The following FBXO6 variants were observed in gnomAD, a reference collection of about 807,000 sequenced individuals.
FBXO6 encodes F-box protein 6, also known as F-box only protein 6.
In FBXO6, 13 loss-of-function variants were observed where a neutral mutation model predicts 25.0. The observed-to-expected ratio is 0.52, with a 90% CI of 0.34 to 0.83. The LOEUF is 0.83. FBXO6 is among the 40% of genes least tolerant of loss of function. The pLI is 0.02. For synonymous variants in FBXO6, 138 were observed against 155.3 expected, an observed-to-expected ratio of 0.89 and a Z score of 0.83; for missense variants, 370 against 380.2, an observed-to-expected ratio of 0.97 and a Z score of 0.22.
rs775427093 is a variant in FBXO6, at chr1:11,671,262, C to G, written c.287-4C>G. 2.0e-5 allele frequency: 32 copies of G among 1,613,482 alleles called. No individual in the cohort carries two copies. The highest frequency in any genetic ancestry group is 2.6e-5 in the Non-Finnish European group (31 of 1,179,746). Reference sequence around the variant, plus strand: ...GGTCTCACCTTGGCTTCTGTTCTTCCTAGAGGATATGTTTGCATGGCAAAT... The same window carrying G: ...GGTCTCACCTTGGCTTCTGTTCTTCGTAGAGGATATGTTTGCATGGCAAAT... On this transcript the variant is annotated splice_region_variant and splice_polypyrimidine_tract_variant and intron_variant, in intron 2 of 5. Coordinates refer to ENST00000376753, the MANE Select transcript of FBXO6 (RefSeq NM_018438.6).
At chr1:11,671,476 T>C (rs1454361135) in intron 3 of FBXO6, 84 bp downstream of exon 3, 1 of 1,563,018 alleles carries the variant, frequency 6.4e-7, no homozygotes, top group Non-Finnish European at 8.7e-7. Context: ...AAAGTCTTCC[T>C]AAGGGAAGTC....
chr1:11,670,649 G>T (rs1397623758), intron 2 of FBXO6, among the ~76,000 whole-genome samples: 1 of 134,346 alleles, frequency 7.4e-6, no homozygotes, highest in Non-Finnish European at 1.6e-5. Flanking sequence ...GGGGGGGGGG[G>T]TGTCGCTATG....
chr1:11,674,132 G>A lies in FBXO6; in HGVS notation c.*281G>A. 4 of 355,056 alleles carry A rather than the reference G, an allele frequency of 1.1e-5. No homozygotes were observed. The highest frequency in any genetic ancestry group is 1.1e-4 in the South Asian group (4 of 36,032). The allele number at this position is 355,056 out of a possible 1,614,324, so 22.0% of individuals were successfully genotyped here. Reference sequence around the variant, plus strand: ...ATCCTGGCCAACACGGTGAAACCCTGTCTCTACTAAAAATACAAAAAATTA... The same window carrying A: ...ATCCTGGCCAACACGGTGAAACCCTATCTCTACTAAAAATACAAAAAATTA... On this transcript the variant is annotated 3_prime_UTR_variant, in exon 6 of 6. Transcript: ENST00000376753. The surrounding 1 kb of genome is among the most constrained non-coding windows in gnomAD (Gnocchi z 6.1).
intron 1 of FBXO6, among the ~76,000 whole-genome samples, chr1:11,665,244 AG>A (rs1640389078): frequency 1.2e-4 from 2 of 16,472 alleles, no homozygotes; most frequent in Non-Finnish European, 2.1e-4. Context: ...TTTTTTTTTG[AG>A]ACGGAGTGTC....
At chr1:11,670,422 G>A (rs1345943622) in intron 2 of FBXO6, among the ~76,000 whole-genome samples, 2 of 151,800 alleles carry the variant, frequency 1.3e-5, no homozygotes, top group Non-Finnish European at 2.9e-5. Context: ...CTTGCCCTGG[G>A]CAGAGGCCAT....
Position 11,673,240 on chromosome 1 carries a change from G to A in FBXO6, c.510-37G>A, listed in dbSNP as rs377413105. 44 of 1,588,256 alleles carry A rather than the reference G, an allele frequency of 2.8e-5. No individual in the cohort carries two copies. In the Middle Eastern group the frequency reaches 5.2e-4, roughly 19 times the overall value. ...GCCCCCACCCCTGGGGCCAGCCCTCGGTGGCTTGGACACAGGGCTCTCAAC... is the reference window on the plus strand; with the variant it reads ...GCCCCCACCCCTGGGGCCAGCCCTCAGTGGCTTGGACACAGGGCTCTCAAC... On this transcript the variant is annotated intron_variant, in intron 4 of 5. Coordinates refer to ENST00000376753, the MANE Select transcript of FBXO6 (RefSeq NM_018438.6). The surrounding 1 kb of genome is among the most constrained non-coding windows in gnomAD (Gnocchi z 4.3).
intron 2 of FBXO6, among the ~76,000 whole-genome samples, chr1:11,669,191 C>T (rs755133130): frequency 2.6e-5 from 4 of 152,208 alleles, no homozygotes; most frequent in South Asian, 2.1e-4. Flanking sequence ...TTTCACAAGG[C>T]GCGGTGGCTC....
chr1:11,669,243 A>G (rs1640535875), intron 2 of FBXO6, among the ~76,000 whole-genome samples: 1 of 152,162 alleles, frequency 6.6e-6, no homozygotes, highest in Non-Finnish European at 1.5e-5. Flanking sequence ...AGATGGGCGG[A>G]TCACCTGAGC....
At position 11,673,246 on chromosome 1, in the gene FBXO6, T is replaced by TG; in HGVS notation, c.510-31_510-30insG. ...ACCCCTGGGGCCAGCCCTCGGTGGCTTGGACACAGGGCTCTCAACCCCTCC... is the reference window on the plus strand; with the variant it reads ...ACCCCTGGGGCCAGCCCTCGGTGGCTGTGGACACAGGGCTCTCAACCCCTCC... On this transcript the variant is annotated intron_variant, in intron 4 of 5. Coordinates refer to ENST00000376753, the MANE Select transcript of FBXO6 (RefSeq NM_018438.6). The surrounding 1 kb of genome is among the most constrained non-coding windows in gnomAD (Gnocchi z 4.3). The TG allele has an allele frequency of 6.3e-7, 1 of 1,598,132 alleles. No individual in the cohort carries two copies. Among genetic ancestry groups the TG allele is most frequent in the South Asian group, 1.1e-5 (1 of 88,468 alleles).
In FBXO6 at chr1:11,668,892, C is replaced by G; in HGVS notation, c.234C>G (p.Phe78Leu). 1 of 1,614,146 alleles carries G rather than the reference C, an allele frequency of 6.2e-7. No homozygotes were observed. Among genetic ancestry groups the G allele is most frequent in the Non-Finnish European group, 8.5e-7 (1 of 1,180,008 alleles). ...WDQPVADWKI[F>L]YFLRSLHRNL... ...AGCCCGTGGCCGACTGGAAAATCTTCTACTTCCTACGGAGCCTGCATAGGA... is the reference window on the plus strand; with the variant it reads ...AGCCCGTGGCCGACTGGAAAATCTTGTACTTCCTACGGAGCCTGCATAGGA... The change falls in exon 2 of 6, where the codon TTC becomes TTG. Residue 78 changes from phenylalanine (F) to leucine (L), a missense_variant. Coordinates refer to ENST00000376753, the MANE Select transcript of FBXO6 (RefSeq NM_018438.6).
chr1:11,669,559 C>T (rs1640546598), intron 2 of FBXO6, among the ~76,000 whole-genome samples: 1 of 151,650 alleles, frequency 6.6e-6, no homozygotes, highest in South Asian at 2.1e-4. Context: ...TTGTTTGCCA[C>T]ACTATAGCAT....
chr1:11,665,938 T>G (rs1398115257), intron 1 of FBXO6, among the ~76,000 whole-genome samples: 1 of 152,024 alleles, frequency 6.6e-6, no homozygotes, highest in Non-Finnish European at 1.5e-5. Context: ...TTTTACATTT[T>G]TTTTCAAATG....
intron 1 of FBXO6, 71 bp downstream of exon 1, chr1:11,664,326 G>A (rs1640334706): frequency 6.6e-6 from 1 of 151,932 alleles, no homozygotes; most frequent in African/African-American, 2.4e-5. Flanking sequence ...GGCGGGGGTG[G>A]GGACCGAGCG....
chr1:11,668,648 C>T lies in FBXO6; in HGVS notation c.-3-8C>T. 6.2e-7 allele frequency: 1 copy of T among 1,605,812 alleles called. No homozygotes were observed. Among genetic ancestry groups the T allele is most frequent in the Non-Finnish European group, 8.5e-7 (1 of 1,173,276 alleles). On this transcript the variant is annotated splice_polypyrimidine_tract_variant and splice_region_variant and intron_variant, in intron 1 of 5. Transcript: ENST00000376753. ...TGGTCAGGCTCATAACTGCTGTTGCCCCCACAGGCCATGGATGCTCCCCAC... is the reference window on the plus strand; with the variant it reads ...TGGTCAGGCTCATAACTGCTGTTGCTCCCACAGGCCATGGATGCTCCCCAC...
At chr1:11,672,586 A>C (rs1640650146) in intron 4 of FBXO6, among the ~76,000 whole-genome samples, 1 of 152,170 alleles carries the variant, frequency 6.6e-6, no homozygotes, top group African/African-American at 2.4e-5. Flanking sequence ...CACTGTGCCC[A>C]GCCACTGTGC....
At chr1:11,669,548 C>G (rs1640546442) in intron 2 of FBXO6, among the ~76,000 whole-genome samples, 1 of 151,398 alleles carries the variant, frequency 6.6e-6, no homozygotes, top group Non-Finnish European at 1.5e-5. Flanking sequence ...CCAAATGGAC[C>G]TTGTTTGCCA....
rs188650670 is a variant in FBXO6, at chr1:11,673,048, A to G, written c.510-229A>G. 3.1e-4 allele frequency among the ~76,000 whole-genome samples: 47 copies of G among 152,286 alleles called. No individual in the cohort carries two copies. The highest frequency in any genetic ancestry group is 1.1e-3 in the African/African-American group (45 of 41,556). On this transcript the variant is annotated intron_variant, in intron 4 of 5. Coordinates refer to ENST00000376753, the MANE Select transcript of FBXO6 (RefSeq NM_018438.6). The surrounding 1 kb of genome is among the most constrained non-coding windows in gnomAD (Gnocchi z 4.3). The stretch of plus-strand genomic sequence containing the variant: ...GTCATATCTTTAGTAGGATGCCCAA[A>G]AGGGTCCCTCTTCTCAGATGGGGTA...
chr1:11,670,114 G>A lies in FBXO6; in HGVS notation c.287-1152G>A, dbSNP rs530570980. ...TGTAGTCCCAGCTACTTGGGAGGCT[G>A]AGGCAGGAGAATAGCGTGAACCTGG... On this transcript the variant is annotated intron_variant, in intron 2 of 5. Transcript: ENST00000376753. 8.6e-5 allele frequency among the ~76,000 whole-genome samples: 13 copies of A among 151,348 alleles called. No individual in the cohort carries two copies. The East Asian group carries it at 2.6e-3, about 30-fold the overall frequency.
chr1:11,666,639 C>T (rs1044799469), intron 1 of FBXO6, among the ~76,000 whole-genome samples: 10 of 152,126 alleles, frequency 6.6e-5, no homozygotes, highest in African/African-American at 2.2e-4. Flanking sequence ...CCCTCGGCCT[C>T]CCAAAGGGCT....
Sources: allele counts gnomAD v4.1 joint callset (sites outside exome capture counted in the v4.1 genomes callset), GRCh38; gene constraint gnomAD v4.1.1; non-coding constraint Gnocchi (gnomAD v3.1); transcripts MANE v1.5; gene names NCBI Gene and HGNC (gene_info 2026-07-23, HGNC 2026-07-21).